RAPGEF6: variants seen among roughly 807,000 people sequenced by gnomAD.
RAPGEF6 encodes the protein PDZ domain containing guanine nucleotide exchange factor (GEF) 2.
In RAPGEF6, 56 loss-of-function variants were observed where a neutral mutation model predicts 171.4. The observed-to-expected ratio is 0.33, with a 90% confidence interval of 0.26 to 0.41. The LOEUF is 0.41. Ranked by LOEUF, RAPGEF6 falls within the 10% of genes least tolerant of loss-of-function variation. The pLI is 1.00. For missense variants in RAPGEF6, 1,674 were observed against 1,921.4 expected (o/e 0.87, Z 2.41); for synonymous variants, 692 against 650.1 (o/e 1.06, Z -0.98).
At chr5:131,582,581 G>A (rs983596600) in intron 4 of RAPGEF6, among the ~76,000 whole-genome samples, 1 of 152,018 alleles carries the variant, frequency 6.6e-6, no homozygotes, top group Non-Finnish European at 1.5e-5. Flanking sequence ...AGTCCATTCA[G>A]GGAAAAAAAT....
chr5:131,428,588 G>A (rs1026038495), intron 27 of RAPGEF6, among the ~76,000 whole-genome samples: 2 of 151,852 alleles, frequency 1.3e-5, no homozygotes, highest in South Asian at 4.1e-4. Flanking sequence ...AGCCTCCCGA[G>A]TAGCTGGGAT....
At chr5:131,622,119 C>T (rs1765628627) in intron 1 of RAPGEF6, among the ~76,000 whole-genome samples, 1 of 152,072 alleles carries the variant, frequency 6.6e-6, no homozygotes, top group African/African-American at 2.4e-5. Context: ...CTCAGAGAGT[C>T]ATTTAATAAT....
chr5:131,455,758 G>T (rs372824735), intron 20 of RAPGEF6, 43 bp downstream of exon 20: 2 of 1,532,058 alleles, frequency 1.3e-6, no homozygotes, highest in Non-Finnish European at 1.8e-6. Context: ...GTAGACTTTA[G>T]ATAAACCATG....
chr5:131,482,770 G>T (rs977764741), intron 15 of RAPGEF6, among the ~76,000 whole-genome samples: 1 of 152,132 alleles, frequency 6.6e-6, no homozygotes, highest in African/African-American at 2.4e-5. Flanking sequence ...AGTAGGAAAG[G>T]GCAATCTTCC....
intron 5 of RAPGEF6, among the ~76,000 whole-genome samples, chr5:131,556,005 T>C (rs1252212972): frequency 1.3e-5 from 2 of 152,176 alleles, no homozygotes; most frequent in Non-Finnish European, 2.9e-5. Context: ...CCATAGGCAA[T>C]TATAACACAA....
intron 1 of RAPGEF6, among the ~76,000 whole-genome samples, chr5:131,612,959 G>A (rs1355399789): frequency 6.6e-6 from 1 of 152,202 alleles, no homozygotes; most frequent in Non-Finnish European, 1.5e-5. Flanking sequence ...CCTAAAGAGA[G>A]ACTAATAAGG....
chr5:131,431,191 C>A lies in RAPGEF6; in HGVS notation c.4133G>T (p.Ser1378Ile). 1 of 1,614,186 alleles carries A rather than the reference C, an allele frequency of 6.2e-7. No individual in the cohort carries two copies. Among genetic ancestry groups the A allele is most frequent in the East Asian group, 2.2e-5 (1 of 44,886 alleles). Residue 1378 changes from serine to isoleucine, a missense_variant, in exon 26 of 28, where the codon AGC becomes ATC. Ser to Ile is a moderately radical substitution (Grantham distance 142). Coordinates refer to ENST00000509018, the MANE Select transcript of RAPGEF6 (RefSeq NM_016340.6). ...ATCCCAGCTTTTTGGGTTTGGAAGGCTTTGGAAGTTGTCATGGGAGCTGCT... is the reference window on the plus strand; with the variant it reads ...ATCCCAGCTTTTTGGGTTTGGAAGGATTTGGAAGTTGTCATGGGAGCTGCT... ...CSSSSHDNFQ[S>I]LPNPKSWDFL...
At position 131,461,851 on chromosome 5, in the gene RAPGEF6, A is replaced by T; in HGVS notation, c.2718T>A (p.Ile906=). 1 of 1,614,108 alleles carries T rather than the reference A, an allele frequency of 6.2e-7. No homozygotes were observed. The highest frequency in any genetic ancestry group is 1.1e-5 in the South Asian group (1 of 91,082). Residue 906 remains isoleucine (I), a synonymous_variant, in exon 19 of 28, where the codon ATT becomes ATA. Coordinates refer to ENST00000509018, the MANE Select transcript of RAPGEF6 (RefSeq NM_016340.6). ...GNTHLKRFED[I]VNQETFWVAS... ...CAACCCAGAATGTCTCTTGGTTTAC[A>T]ATGTCCTCAAACCTCTTCAAATGAG... is the stretch of plus-strand genomic sequence containing the variant.
At chr5:131,584,579 A>G (rs983215633) in intron 4 of RAPGEF6, among the ~76,000 whole-genome samples, 2 of 152,200 alleles carry the variant, frequency 1.3e-5, no homozygotes, top group African/African-American at 4.8e-5. Flanking sequence ...TTATTCCAAA[A>G]GTCACAAGAT....
At chr5:131,448,450 G>A (rs1752858861) in intron 21 of RAPGEF6, among the ~76,000 whole-genome samples, 1 of 152,158 alleles carries the variant, frequency 6.6e-6, no homozygotes, top group African/African-American at 2.4e-5. Context: ...ATACTGCAGT[G>A]ATTTTCCTTA....
At chr5:131,542,548 G>A (rs1330765145) in intron 6 of RAPGEF6, among the ~76,000 whole-genome samples, 1 of 152,144 alleles carries the variant, frequency 6.6e-6, no homozygotes, top group African/African-American at 2.4e-5. Flanking sequence ...TTTTCTAGGA[G>A]CATCCATTCT....
At chr5:131,524,147 A>T (rs949393993) in intron 6 of RAPGEF6, among the ~76,000 whole-genome samples, 2 of 152,208 alleles carry the variant, frequency 1.3e-5, no homozygotes, top group African/African-American at 4.8e-5. Flanking sequence ...CACTGGGAGA[A>T]GAAAAATGAC....
intron 15 of RAPGEF6, among the ~76,000 whole-genome samples, chr5:131,481,375 G>A (rs1755468954): frequency 6.6e-6 from 1 of 151,922 alleles, no homozygotes; most frequent in Admixed American, 6.6e-5. Context: ...TTACAGGAGT[G>A]TGCCACCATG....
chr5:131,601,197 A>G (rs1212902282), intron 3 of RAPGEF6, among the ~76,000 whole-genome samples: 1 of 152,054 alleles, frequency 6.6e-6, no homozygotes, highest in Non-Finnish European at 1.5e-5. Context: ...CAGCCTGACC[A>G]ACATGGTGAA....
chr5:131,450,953 G>C (rs1243096932), intron 21 of RAPGEF6, among the ~76,000 whole-genome samples: 1 of 152,120 alleles, frequency 6.6e-6, no homozygotes, highest in Non-Finnish European at 1.5e-5. Flanking sequence ...ATTATAAACT[G>C]GTCTGGCAGG....
intron 26 of RAPGEF6, among the ~76,000 whole-genome samples, chr5:131,430,352 G>T (rs1035343159): frequency 2.6e-5 from 4 of 152,060 alleles, no homozygotes; most frequent in African/African-American, 9.7e-5. Context: ...GCTTGGAATG[G>T]AATTCACAAA....
intron 3 of RAPGEF6, 64 bp downstream of exon 3, chr5:131,603,207 A>T: frequency 8.5e-7 from 1 of 1,181,176 alleles, no homozygotes; most frequent in Non-Finnish European, 1.2e-6. Context: ...AATGAATTTC[A>T]ATGCTAAGAG....
At chr5:131,552,370 C>A (rs990014094) in intron 5 of RAPGEF6, among the ~76,000 whole-genome samples, 1 of 152,048 alleles carries the variant, frequency 6.6e-6, no homozygotes, top group African/African-American at 2.4e-5. Flanking sequence ...TTCACAATAC[C>A]TCAAGCATGC....
At chr5:131,569,319 A>G (rs1762132573) in intron 4 of RAPGEF6, among the ~76,000 whole-genome samples, 1 of 152,260 alleles carries the variant, frequency 6.6e-6, no homozygotes, top group Admixed American at 6.5e-5. Context: ...TGAAGTTACA[A>G]TAAAGCTACA....
Sources: gnomAD v4.1 joint callset for allele counts (sites outside exome capture counted in the v4.1 genomes callset) on GRCh38, gnomAD v4.1.1 for gene constraint, MANE v1.5 for transcripts, NCBI Gene and HGNC (gene_info 2026-07-23, HGNC 2026-07-21) for gene names.